DDX60L: variants seen among roughly 807,000 people sequenced by gnomAD.
DDX60L encodes the protein DExD/H-box 60 like, also known as probable ATP-dependent RNA helicase DDX60-like.
A neutral mutation model predicts 211.6 loss-of-function variants in DDX60L; 191 were observed. The observed-to-expected ratio is 0.90, with a 90% CI of 0.80 to 1.02. DDX60L has a LOEUF of 1.02. Among genes scored for constraint, DDX60L ranks in the 50% least tolerant of loss-of-function variants. The pLI, the probability that DDX60L is intolerant of heterozygous loss-of-function variation, is 0.00. For missense variants in DDX60L, 2,007 were observed against 1,984.1 expected (o/e 1.01, Z -0.22); for synonymous variants, 706 against 694.1 (o/e 1.02, Z -0.27).
intron 36 of DDX60L, 133 bp downstream of exon 36, chr4:168,371,479 T>C (rs149298591): frequency 2.4e-5 from 7 of 296,058 alleles, no homozygotes; most frequent in Non-Finnish European, 4.1e-5. Flanking sequence ...TAAAAATATA[T>C]AATATAAATT....
intron 36 of DDX60L, among the ~76,000 whole-genome samples, chr4:168,361,846 T>C (rs1232988323): frequency 1.3e-5 from 2 of 152,182 alleles, no homozygotes; most frequent in Non-Finnish European, 2.9e-5. Flanking sequence ...GAAGTTTAAG[T>C]AGTTTCGTTG....
intron 10 of DDX60L, among the ~76,000 whole-genome samples, chr4:168,433,361 C>T (rs1046947966): frequency 1.3e-5 from 2 of 151,930 alleles, no homozygotes; most frequent in South Asian, 2.1e-4. Flanking sequence ...GATAGACAAA[C>T]ATGTAGATTT....
At chr4:168,401,726 C>T (rs376593783) in intron 25 of DDX60L, among the ~76,000 whole-genome samples, 3 of 152,220 alleles carry the variant, frequency 2.0e-5, no homozygotes, top group South Asian at 2.1e-4. Flanking sequence ...AGAATTTTTT[C>T]GAATACTACT....
intron 26 of DDX60L, among the ~76,000 whole-genome samples, chr4:168,399,855 T>C (rs546154562): frequency 6.6e-6 from 1 of 152,208 alleles, no homozygotes; most frequent in East Asian, 1.9e-4. Flanking sequence ...GCCATTCTTT[T>C]GTTTTTAAGT....
At chr4:168,462,315 G>C (rs1757421999) in intron 4 of DDX60L, among the ~76,000 whole-genome samples, 2 of 152,226 alleles carry the variant, frequency 1.3e-5, no homozygotes, top group African/African-American at 4.8e-5. Context: ...AAAGTAGCAA[G>C]TGGATAGATG....
In DDX60L at chr4:168,370,042, C is replaced by T. The variant is rs546762016; in HGVS notation, c.4928+1570G>A. 1.2e-4 allele frequency among the ~76,000 whole-genome samples: 18 copies of T among 152,092 alleles called. 1 individual carries two copies. The highest frequency in any genetic ancestry group is 3.4e-3 in the Middle Eastern group (1 of 294). ...CTTCAAAACATTAAAACTAGAATTA[C>T]GATAAGATCAAGCAATCCCACTACT... On this transcript the variant is annotated intron_variant, in intron 36 of 37. Transcript: ENST00000682922.
intron 35 of DDX60L, among the ~76,000 whole-genome samples, 178 bp downstream of exon 35, chr4:168,373,488 C>T (rs1741386908): frequency 6.6e-6 from 1 of 152,130 alleles, no homozygotes; most frequent in African/African-American, 2.4e-5. Flanking sequence ...TTTCTCAGGC[C>T]AACTCCATAG....
In DDX60L at chr4:168,423,624, G is replaced by C; in HGVS notation, c.2081C>G (p.Ser694Cys). 6.3e-7 allele frequency: 1 copy of C among 1,578,980 alleles called. No individual in the cohort carries two copies. The highest frequency in any genetic ancestry group is 2.3e-5 in the East Asian group (1 of 44,010). ...KYLGFNDLAN[S>C]LDPTLIGDDK... ...TTCTCTTACCAGAGTTGGATCCAAA[G>C]AGTTTGCCAGATCATTAAAGCCTAA... Residue 694 changes from serine to cysteine, a missense_variant, in exon 15 of 38, where the codon TCT becomes TGT. Coordinates refer to ENST00000682922, the MANE Select transcript of DDX60L (RefSeq NM_001012967.3).
chr4:168,378,527 A>G (rs938313148), intron 32 of DDX60L, 52 bp from the exon 33 acceptor site: 1 of 1,340,064 alleles, frequency 7.5e-7, no homozygotes, highest in South Asian at 1.6e-5. Context: ...GATTCCATTT[A>G]TTTTCTGCCT....
intron 4 of DDX60L, among the ~76,000 whole-genome samples, chr4:168,466,355 G>A (rs1031887396): frequency 2.6e-5 from 4 of 152,012 alleles, no homozygotes; most frequent in African/African-American, 9.7e-5. Flanking sequence ...ATAAATGAGG[G>A]CAGAAGAAAA....
intron 8 of DDX60L, 58 bp from the exon 9 acceptor site, chr4:168,448,837 T>A: frequency 6.6e-7 from 1 of 1,505,954 alleles, no homozygotes; most frequent in Non-Finnish European, 9.1e-7. Context: ...TTCATACTCC[T>A]GGTTAACCCC....
In DDX60L at chr4:168,441,461, C is replaced by T. The variant is rs112483213; in HGVS notation, c.1170G>A (p.Arg390=). Residue 390 remains arginine (R), a synonymous_variant, in exon 10 of 38, where the codon AGG becomes AGA. Transcript: ENST00000682922. ...CATTCCACAGGTCTTCATAATCCCT[C>T]CTAATGGAATCTCCCAAATTCAAAT... ...EPHLNLGDSI[R]RDYEDLWNVV... is the part of the protein sequence containing the mutation. 72 of 1,604,750 alleles carry T rather than the reference C, an allele frequency of 4.5e-5. No homozygotes were observed. In the African/African-American group the frequency reaches 7.4e-4, roughly 16 times the overall value.
In DDX60L at chr4:168,371,753, C is replaced by T. The variant is rs540276248; in HGVS notation, c.4787G>A (p.Arg1596His). 8.0e-5 allele frequency: 128 copies of T among 1,599,594 alleles called. No individual in the cohort carries two copies. The highest frequency in any genetic ancestry group is 4.2e-4 in the East Asian group (19 of 44,810). ...CTGAGTGCCACTAACACCGACTGTG[C>T]GCAGGATGACCTGAAGAAAGACATT... is the stretch of plus-strand genomic sequence containing the variant. ...RPETINQVIL[R>H]TVGVSGTQAP... Residue 1596 changes from arginine (R) to histidine (H), a missense_variant, in exon 36 of 38, where the codon CGC (arginine) becomes CAC (histidine). By Grantham distance (29) the Arg-to-His change is conservative. Coordinates refer to ENST00000682922, the MANE Select transcript of DDX60L (RefSeq NM_001012967.3).
chr4:168,476,883 A>G (rs1759578512), intron 1 of DDX60L, among the ~76,000 whole-genome samples: 1 of 152,192 alleles, frequency 6.6e-6, no homozygotes, highest in African/African-American at 2.4e-5. Context: ...TACCTTCTCT[A>G]TTCTTCTCTT....
intron 10 of DDX60L, among the ~76,000 whole-genome samples, chr4:168,439,097 G>A (rs572122012): frequency 9.9e-5 from 15 of 152,226 alleles, no homozygotes; most frequent in Admixed American, 3.9e-4. Context: ...GTGTGATTTC[G>A]TTAGTGCCTT....
intron 36 of DDX60L, among the ~76,000 whole-genome samples, chr4:168,364,527 T>G (rs1334217581): frequency 3.9e-5 from 6 of 152,164 alleles, no homozygotes; most frequent in African/African-American, 1.4e-4. Flanking sequence ...AGAATTAAAC[T>G]GCACCATAGA....
chr4:168,437,722 G>A (rs527506469), intron 10 of DDX60L, among the ~76,000 whole-genome samples: 2 of 152,298 alleles, frequency 1.3e-5, no homozygotes, highest in South Asian at 4.1e-4. Flanking sequence ...GCCAGTCAAA[G>A]GTGATGTCAT....
rs1362884812 is a variant in DDX60L at position 168,389,462 on chromosome 4, G to GA, written c.3915+2077dup. ...GGGTCTGTATTACCTGCTGTGCTAG[G>GA]AAAAATCACACTCCCATGAGACTAG... On this transcript the variant is annotated intron_variant, in intron 29 of 37. Transcript: ENST00000682922. 4.6e-5 allele frequency among the ~76,000 whole-genome samples: 7 copies of GA among 152,080 alleles called. No homozygotes were observed. In the East Asian group the frequency reaches 1.2e-3, roughly 25 times the overall value.
In DDX60L at chr4:168,373,148, A is replaced by T. The variant is rs185763597; in HGVS notation, c.4776+518T>A. 3.3e-4 allele frequency among the ~76,000 whole-genome samples: 50 copies of T among 152,290 alleles called. No individual in the cohort carries two copies. In the East Asian group the frequency reaches 8.9e-3, roughly 27 times the overall value. On this transcript the variant is annotated intron_variant, in intron 35 of 37. Coordinates refer to ENST00000682922, the MANE Select transcript of DDX60L (RefSeq NM_001012967.3). ...TGACTCTCTGACCCAGGGATAAAATAAGCCAGTGCACAGTGTCAATCTTTA... is the reference window on the plus strand; with the variant it reads ...TGACTCTCTGACCCAGGGATAAAATTAGCCAGTGCACAGTGTCAATCTTTA...
Sources: gnomAD v4.1 joint callset for allele counts (sites outside exome capture counted in the v4.1 genomes callset) on GRCh38, gnomAD v4.1.1 for gene constraint, MANE v1.5 for transcripts, NCBI Gene and HGNC (gene_info 2026-07-23, HGNC 2026-07-21) for gene names.